USP25: variants seen among roughly 807,000 people sequenced by gnomAD.
The protein encoded by USP25 is ubiquitin specific peptidase 25, also known as ubiquitin carboxyl-terminal hydrolase 25.
USP25 carries 85 observed loss-of-function variants against 158.5 expected under a neutral mutation model. The ratio of observed to expected loss-of-function variants is 0.54; its 90% confidence interval spans 0.45 to 0.64. The LOEUF is 0.64. Ranked by LOEUF, USP25 falls within the 30% of genes least tolerant of loss-of-function variation. The probability of loss-of-function intolerance (pLI) is 0.00; values close to 1 mark genes in which losing one functional copy is unlikely to be tolerated. For synonymous variants in USP25, 464 were observed against 460.4 expected, an observed-to-expected ratio of 1.01 and a Z score of -0.10; for missense variants, 1,242 against 1,327.3, an observed-to-expected ratio of 0.94 and a Z score of 1.00.
At chr21:15,799,577 G>A in intron 5 of USP25, 180 bp from the exon 6 acceptor site, 1 of 432,498 alleles carries the variant, frequency 2.3e-6, no homozygotes, top group Non-Finnish European at 4.2e-6. Flanking sequence ...ATCAAGAATG[G>A]TATGTCAAAT....
chr21:15,764,646 T>C (rs945971662), intron 2 of USP25, among the ~76,000 whole-genome samples: 2 of 152,128 alleles, frequency 1.3e-5, no homozygotes, highest in Non-Finnish European at 2.9e-5. Context: ...TGAGGTAATA[T>C]ATGAAAAACA....
At chr21:15,813,607 T>C (rs2146305194) in intron 9 of USP25, among the ~76,000 whole-genome samples, 1 of 152,322 alleles carries the variant, frequency 6.6e-6, no homozygotes, top group Non-Finnish European at 1.5e-5. Flanking sequence ...TTTTCTTGGC[T>C]TTTGAGCTTC....
chr21:15,828,752 C>T (rs2037652679), intron 14 of USP25, among the ~76,000 whole-genome samples: 1 of 152,186 alleles, frequency 6.6e-6, no homozygotes. Flanking sequence ...GATTCTCCTG[C>T]CTCAGCCTCC....
intron 15 of USP25, among the ~76,000 whole-genome samples, 171 bp downstream of exon 15, chr21:15,830,772 T>C (rs776661995): frequency 2.6e-5 from 4 of 152,178 alleles, no homozygotes; most frequent in Non-Finnish European, 4.4e-5. Context: ...ACAGTTCATC[T>C]GAATGGGGAA....
chr21:15,824,845 ACCTCAGGTGAT>A, intron 11 of USP25, 110 bp from the exon 12 acceptor site: 1 of 715,528 alleles, frequency 1.4e-6, no homozygotes, highest in East Asian at 3.0e-5. Flanking sequence ...TGAACTCCTG[ACCTCAGGTGAT>A]CCTCCCGCCT....
chr21:15,777,912 G>A lies in USP25; in HGVS notation c.277G>A (p.Asp93Asn). The change falls in exon 4 of 26, where the codon GAT (aspartate) becomes AAT (asparagine). Residue 93 changes from aspartate (D) to asparagine (N), a missense_variant. Physicochemically the swap from Asp to Asn is conservative, Grantham distance 23. Around this residue, in one of 3 missense-constraint regions of USP25, gnomAD observed 627 missense variants for 701.4 expected, o/e 0.89. Coordinates refer to ENST00000400183, the MANE Select transcript of USP25 (RefSeq NM_001283041.3). ...ATAGTTTTGCTTTTCAGATGTGATT[G>A]ATCTCACTGGAGATGATAAAGATGA... ...VGSQADTNVI[D>N]LTGDDKDDLQ... 4 of 1,591,018 alleles carry A rather than the reference G, an allele frequency of 2.5e-6. No individual in the cohort carries two copies. The highest frequency in any genetic ancestry group is 3.4e-6 in the Non-Finnish European group (4 of 1,173,306).
intron 2 of USP25, among the ~76,000 whole-genome samples, chr21:15,764,267 G>A (rs1403392043): frequency 1.3e-5 from 2 of 150,048 alleles, no homozygotes; most frequent in South Asian, 2.1e-4. Flanking sequence ...GTATTACTGA[G>A]TGTGAGACCA....
At chr21:15,814,451 A>G (rs1299505756) in intron 9 of USP25, among the ~76,000 whole-genome samples, 1 of 152,136 alleles carries the variant, frequency 6.6e-6, no homozygotes, top group Non-Finnish European at 1.5e-5. Context: ...GCTCAGAAGA[A>G]GATAGGAAAA....
intron 4 of USP25, among the ~76,000 whole-genome samples, chr21:15,783,403 T>C (rs910459361): frequency 6.6e-6 from 1 of 152,114 alleles, no homozygotes; most frequent in Non-Finnish European, 1.5e-5. Context: ...GTTATGGACA[T>C]CTAGGAATGA....
chr21:15,755,357 GT>G, intron 1 of USP25, among the ~76,000 whole-genome samples: 1 of 152,180 alleles, frequency 6.6e-6, no homozygotes, highest in Middle Eastern at 3.4e-3. Context: ...AACACAAACT[GT>G]TTTTCTCCTT....
At chr21:15,781,244 T>C (rs966592858) in intron 4 of USP25, among the ~76,000 whole-genome samples, 1 of 152,224 alleles carries the variant, frequency 6.6e-6, no homozygotes, top group Non-Finnish European at 1.5e-5. Flanking sequence ...AGGAATCACA[T>C]GTCTGACAAG....
chr21:15,776,587 T>C (rs2034669946), intron 3 of USP25, among the ~76,000 whole-genome samples: 1 of 151,940 alleles, frequency 6.6e-6, no homozygotes, highest in Admixed American at 6.5e-5. Flanking sequence ...GTTTTTTTTT[T>C]CCTCTTCTAA....
chr21:15,850,441 A>G (rs906398065), intron 20 of USP25, among the ~76,000 whole-genome samples: 1 of 151,960 alleles, frequency 6.6e-6, no homozygotes, highest in African/African-American at 2.4e-5. Context: ...TTTTCCCTCT[A>G]ATATCAGAGC....
chr21:15,808,903 T>A lies in USP25; in HGVS notation c.857+18T>A. On this transcript the variant is annotated intron_variant, in intron 8 of 25. Transcript: ENST00000400183. ...GAGGAGACGTAAGTTACCGTGAAGTTTAGCAATGGGGTTTTAGGAATTCAT... is the reference window on the plus strand; with the variant it reads ...GAGGAGACGTAAGTTACCGTGAAGTATAGCAATGGGGTTTTAGGAATTCAT... The A allele has an allele frequency of 6.3e-7, 1 of 1,583,876 alleles. No homozygotes were observed. The highest frequency in any genetic ancestry group is 1.1e-5 in the South Asian group (1 of 87,730).
Position 15,864,418 on chromosome 21 carries a change from G to A in USP25, c.2698G>A (p.Gly900Arg). The A allele has an allele frequency of 6.2e-7, 1 of 1,604,018 alleles. No individual in the cohort carries two copies. The highest frequency in any genetic ancestry group is 8.5e-7 in the Non-Finnish European group (1 of 1,177,430). The change falls in exon 21 of 26, where the codon GGA (glycine) becomes AGA (arginine). Residue 900 changes from glycine to arginine, a missense_variant. Physicochemically the swap from Gly to Arg is moderately radical, Grantham distance 125. Around this residue, in one of 3 missense-constraint regions of USP25, gnomAD observed 608 missense variants for 605.2 expected, o/e 1.00. Coordinates refer to ENST00000400183, the MANE Select transcript of USP25 (RefSeq NM_001283041.3). ...IIEKTLLEQF[G>R]DRNLSFDERC... is the part of the protein sequence containing the mutation. ...TGAGAAAACATTACTAGAACAATTT[G>A]GAGATAGAAATTTGAGTTTTGATGA...
intron 1 of USP25, among the ~76,000 whole-genome samples, chr21:15,753,832 A>G (rs1242045928): frequency 6.6e-6 from 1 of 152,176 alleles, no homozygotes; most frequent in East Asian, 1.9e-4. Flanking sequence ...GAGTCCCACA[A>G]AATAAGAGAC....
intron 14 of USP25, among the ~76,000 whole-genome samples, chr21:15,827,783 TG>T (rs2037594704): frequency 6.6e-6 from 1 of 151,424 alleles, no homozygotes; most frequent in Non-Finnish European, 1.5e-5. Context: ...TGTGTGTGTG[TG>T]TGTGTGTGTG....
intron 8 of USP25, among the ~76,000 whole-genome samples, chr21:15,809,460 C>A (rs897947390): frequency 6.6e-6 from 1 of 151,946 alleles, no homozygotes; most frequent in Admixed American, 6.6e-5. Context: ...CGAAAAAAAA[C>A]GAAACACCCC....
intron 20 of USP25, among the ~76,000 whole-genome samples, chr21:15,863,578 A>G (rs1004103508): frequency 1.3e-5 from 2 of 152,246 alleles, no homozygotes; most frequent in African/African-American, 4.8e-5. Context: ...TTAGAAAGGT[A>G]AAACAGAACG....
Sources: gnomAD v4.1 joint callset for allele counts (sites outside exome capture counted in the v4.1 genomes callset) on GRCh38, gnomAD v4.1.1 for gene constraint, gnomAD v4.1.1 regional missense constraint, MANE v1.5 for transcripts, NCBI Gene and HGNC (gene_info 2026-07-23, HGNC 2026-07-21) for gene names.